Variants in BMPER observed in about 807,000 individuals in gnomAD.
BMPER encodes BMP-binding endothelial regulator protein.
Under a neutral mutation model 87.3 loss-of-function variants are expected in BMPER, and 45 were observed. That is an observed-to-expected ratio of 0.52 (90% confidence interval 0.41 to 0.66). The LOEUF (loss-of-function observed/expected upper bound fraction) is 0.66, where lower values mean the gene tolerates loss of function less well. BMPER is among the 30% of genes least tolerant of loss of function. The pLI is 0.00. For synonymous variants in BMPER, 326 were observed against 316.2 expected (o/e 1.03, Z -0.33); for missense variants, 784 against 867.5 (o/e 0.90, Z 1.21).
At chr7:33,905,459 C>T (rs552282410), upstream of BMPER, 5 of 542,586 alleles carry the variant, frequency 9.2e-6, no homozygotes, top group African/African-American at 2.0e-5. Context: ...TCCCTCACAC[C>T]CCCCCGCCCC....
chr7:34,113,135 C>G (rs1019926257), intron 13 of BMPER, among the ~76,000 whole-genome samples: 1 of 151,884 alleles, frequency 6.6e-6, no homozygotes, highest in African/African-American at 2.4e-5. Context: ...ATAAAAAACT[C>G]AAAAAGAAAT....
chr7:34,056,926 T>A (rs1372213122), intron 9 of BMPER, among the ~76,000 whole-genome samples: 1 of 152,204 alleles, frequency 6.6e-6, no homozygotes, highest in East Asian at 1.9e-4. Flanking sequence ...GCAATACACT[T>A]GTAAGTCACC....
chr7:33,979,494 C>T (rs539729504), intron 6 of BMPER, among the ~76,000 whole-genome samples: 3 of 152,114 alleles, frequency 2.0e-5, no homozygotes, highest in East Asian at 1.9e-4. Context: ...CACTGGCAGG[C>T]GCTCAGCAAT....
At chr7:34,124,871 A>C (rs562159967) in intron 13 of BMPER, among the ~76,000 whole-genome samples, 4 of 152,112 alleles carry the variant, frequency 2.6e-5, no homozygotes, top group African/African-American at 9.7e-5. Flanking sequence ...TGAAACCAGG[A>C]TTAATGTTAC....
At chr7:34,141,610 C>CAAA (rs70997567) in intron 13 of BMPER, among the ~76,000 whole-genome samples, 94 of 54,820 alleles carry the variant, frequency 1.7e-3, no homozygotes, top group South Asian at 3.3e-3. Context: ...AACACCATCT[C>CAAA]AAAAAAAAAA....
chr7:34,109,794 G>GT (rs1789914597), intron 13 of BMPER, among the ~76,000 whole-genome samples: 1 of 152,186 alleles, frequency 6.6e-6, no homozygotes, highest in Admixed American at 6.5e-5. Flanking sequence ...TTTATTCTAA[G>GT]TATGTCAGCA....
chr7:34,045,846 G>A (rs1480157357), intron 6 of BMPER, among the ~76,000 whole-genome samples: 1 of 152,128 alleles, frequency 6.6e-6, no homozygotes, highest in African/African-American at 2.4e-5. Flanking sequence ...TGGAAGATAG[G>A]AGGAAAAGTC....
intron 13 of BMPER, among the ~76,000 whole-genome samples, chr7:34,125,772 A>G (rs1311635051): frequency 6.6e-6 from 1 of 152,204 alleles, no homozygotes; most frequent in African/African-American, 2.4e-5. Flanking sequence ...TTCAATATTC[A>G]TTCAATATTG....
At chr7:33,969,854 G>T (rs1785494030) in intron 4 of BMPER, among the ~76,000 whole-genome samples, 1 of 152,186 alleles carries the variant, frequency 6.6e-6, no homozygotes, top group South Asian at 2.1e-4. Context: ...TGCAGAGCTG[G>T]CCTAGTTATT....
At chr7:34,078,190 C>T (rs115249429) in intron 11 of BMPER, among the ~76,000 whole-genome samples, 214 of 152,204 alleles carry the variant, frequency 1.4e-3, no homozygotes, top group African/African-American at 4.5e-3. Context: ...AATTATATTT[C>T]GTAACTTATT....
intron 6 of BMPER, among the ~76,000 whole-genome samples, chr7:33,982,663 G>A (rs1469315345): frequency 6.6e-6 from 1 of 152,136 alleles, no homozygotes; most frequent in East Asian, 1.9e-4. Flanking sequence ...AATAGTTGTG[G>A]TTTACCTGTC....
At chr7:33,932,326 G>A (rs566605044) in intron 2 of BMPER, among the ~76,000 whole-genome samples, 1 of 152,348 alleles carries the variant, frequency 6.6e-6, no homozygotes, top group East Asian at 1.9e-4. Flanking sequence ...CCTGGCCTGT[G>A]TGCTTCATTG....
chr7:33,920,931 G>A (rs969413894), intron 2 of BMPER, among the ~76,000 whole-genome samples: 12 of 152,124 alleles, frequency 7.9e-5, no homozygotes, highest in Admixed American at 4.6e-4. Context: ...TACCGTTTAC[G>A]TAATGTTGCT....
intron 13 of BMPER, among the ~76,000 whole-genome samples, chr7:34,138,032 A>G (rs1300742053): frequency 6.6e-6 from 1 of 152,178 alleles, no homozygotes; most frequent in Non-Finnish European, 1.5e-5. Context: ...TAGTGTTCTC[A>G]ATCCACTCTG....
intron 9 of BMPER, among the ~76,000 whole-genome samples, chr7:34,056,657 G>C (rs1963337): frequency 1.4e-5 from 2 of 146,214 alleles, no homozygotes; most frequent in Admixed American, 1.4e-4. Flanking sequence ...TCGCTCTGTC[G>C]CCCAGGCTGG....
At chr7:34,122,881 CA>C (rs1368073894) in intron 13 of BMPER, among the ~76,000 whole-genome samples, 1 of 152,118 alleles carries the variant, frequency 6.6e-6, no homozygotes, top group Admixed American at 6.6e-5. Context: ...TTGCAAAGGT[CA>C]GGGGGAAGAT....
Position 34,143,123 on chromosome 7 carries a change from A to T in BMPER, c.1746-107A>T. 5 of 1,534,188 alleles carry T rather than the reference A, an allele frequency of 3.3e-6. No homozygotes were observed. The South Asian group carries it at 4.5e-5, about 14-fold the overall frequency. On this transcript the variant is annotated intron_variant, in intron 13 of 14. Transcript: ENST00000649409. ...TTTCCAGTCTAAAACAGCAAATTTT[A>T]ATGGGCCAATCAGGTTTTCCCATCT...
At chr7:34,036,088 T>C (rs905389741) in intron 6 of BMPER, among the ~76,000 whole-genome samples, 11 of 152,138 alleles carry the variant, frequency 7.2e-5, no homozygotes, top group Non-Finnish European at 1.2e-4. Flanking sequence ...TCCTTCCTTT[T>C]AGGAATGGCT....
chr7:33,990,520 G>T (rs1379546270), intron 6 of BMPER, among the ~76,000 whole-genome samples: 3 of 149,176 alleles, frequency 2.0e-5, no homozygotes, highest in Non-Finnish European at 3.0e-5. Context: ...TTTGGGCTGA[G>T]ACAATGGGGT....
Sources: allele counts gnomAD v4.1 joint callset (sites outside exome capture counted in the v4.1 genomes callset), GRCh38; gene constraint gnomAD v4.1.1; transcripts MANE v1.5; gene names NCBI Gene and HGNC (gene_info 2026-07-23, HGNC 2026-07-21).